HDAC9: variants seen among roughly 807,000 people sequenced by gnomAD.
HDAC9 encodes the protein histone deacetylase 9.
Under a neutral mutation model 139.4 loss-of-function variants are expected in HDAC9, and 41 were observed. That is an observed-to-expected ratio of 0.29 (90% CI 0.23 to 0.38). HDAC9 has a LOEUF of 0.38. Among genes scored for constraint, HDAC9 ranks in the 10% least tolerant of loss-of-function variants. The pLI is 1.00. For synonymous variants in HDAC9, 517 were observed against 476.2 expected, an observed-to-expected ratio of 1.09 and a Z score of -1.12; for missense variants, 1,147 against 1,297.0, an observed-to-expected ratio of 0.88 and a Z score of 1.78.
intron 1 of HDAC9, among the ~76,000 whole-genome samples, chr7:18,116,035 C>G (rs145042185): frequency 8.2e-4 from 125 of 152,198 alleles, no homozygotes; most frequent in Non-Finnish European, 2.9e-4. Context: ...AAAATTCATC[C>G]ACGTTTTGAA....
At chr7:18,597,990 G>A (rs1284749726) in intron 6 of HDAC9, among the ~76,000 whole-genome samples, 3 of 152,188 alleles carry the variant, frequency 2.0e-5, no homozygotes, top group Non-Finnish European at 4.4e-5. Flanking sequence ...AAACTGGAAC[G>A]AAGGCAGAGA....
At chr7:18,358,149 A>G (rs768582965) in intron 1 of HDAC9, among the ~76,000 whole-genome samples, 3 of 152,150 alleles carry the variant, frequency 2.0e-5, no homozygotes, top group African/African-American at 7.2e-5. Flanking sequence ...AGATGGTGCC[A>G]TGCATTCCAG....
At chr7:18,276,932 A>G (rs1796761216) in intron 2 of HDAC9, among the ~76,000 whole-genome samples, 1 of 152,078 alleles carries the variant, frequency 6.6e-6, no homozygotes, top group Admixed American at 6.6e-5. Context: ...TTTTATCCTT[A>G]TCATTTTTTC....
At chr7:18,355,934 T>C (rs1380728730) in intron 1 of HDAC9, among the ~76,000 whole-genome samples, 1 of 152,146 alleles carries the variant, frequency 6.6e-6, no homozygotes, top group Non-Finnish European at 1.5e-5. Context: ...GTATTAGCCA[T>C]AAACTGGCTA....
chr7:18,762,219 A>C lies in HDAC9; in HGVS notation c.2106A>C (p.Ser702=). The change falls in exon 15 of 26, where the codon TCA becomes TCC. Residue 702 remains serine (S), a synonymous_variant. Coordinates refer to ENST00000686413, the MANE Select transcript of HDAC9 (RefSeq NM_178425.4). The stretch of plus-strand genomic sequence containing the variant: ...AGCTTGTTCATTCTGAACATCACTC[A>C]CTGTTGTATGGCACCAACCCCCTGG... ...EIQLVHSEHH[S]LLYGTNPLDG... is the part of the protein sequence containing the mutation. The C allele has an allele frequency of 6.2e-7, 1 of 1,613,518 alleles. No homozygotes were observed. The highest frequency in any genetic ancestry group is 1.1e-5 in the South Asian group (1 of 91,074).
intron 1 of HDAC9, among the ~76,000 whole-genome samples, chr7:18,370,779 A>G (rs1230700642): frequency 6.6e-6 from 1 of 152,166 alleles, no homozygotes; most frequent in Non-Finnish European, 1.5e-5. Flanking sequence ...TCTAGATGAC[A>G]GCCAGTTGCT....
At chr7:18,568,020 G>T (rs372981896) in intron 2 of HDAC9, among the ~76,000 whole-genome samples, 2 of 48,836 alleles carry the variant, frequency 4.1e-5, no homozygotes, top group South Asian at 7.3e-4. Flanking sequence ...CAGGATATAT[G>T]TATATGTATA....
At chr7:18,921,430 C>T (rs949209353) in intron 22 of HDAC9, among the ~76,000 whole-genome samples, 1 of 152,144 alleles carries the variant, frequency 6.6e-6, no homozygotes, top group African/African-American at 2.4e-5. Flanking sequence ...TATGAACAGA[C>T]ACTTCTCAAA....
At chr7:18,669,475 G>A (rs942023842) in intron 12 of HDAC9, among the ~76,000 whole-genome samples, 1 of 151,802 alleles carries the variant, frequency 6.6e-6, no homozygotes, top group African/African-American at 2.4e-5. Flanking sequence ...AGTCACATCA[G>A]TATTGCATTA....
At chr7:18,278,236 G>C (rs1193012748) in intron 2 of HDAC9, among the ~76,000 whole-genome samples, 1 of 152,138 alleles carries the variant, frequency 6.6e-6, no homozygotes, top group East Asian at 1.9e-4. Flanking sequence ...TGTGAAATGG[G>C]TACTCAGTGA....
At chr7:18,700,792 C>T (rs1783414282) in intron 12 of HDAC9, among the ~76,000 whole-genome samples, 1 of 152,156 alleles carries the variant, frequency 6.6e-6, no homozygotes, top group Non-Finnish European at 1.5e-5. Context: ...AGTGTGCTCA[C>T]AGGGCATGGC....
At chr7:18,809,159 C>A (rs1022682196) in intron 17 of HDAC9, among the ~76,000 whole-genome samples, 7 of 151,976 alleles carry the variant, frequency 4.6e-5, no homozygotes, top group Non-Finnish European at 8.8e-5. Context: ...AAAATTGGAT[C>A]CTCACTTAAT....
chr7:18,768,744 C>T (rs191647792), intron 16 of HDAC9, among the ~76,000 whole-genome samples: 1 of 152,050 alleles, frequency 6.6e-6, no homozygotes, highest in Non-Finnish European at 1.5e-5. Context: ...AGTCATCAAA[C>T]CCCACTCTTT....
chr7:18,728,121 C>T (rs560070679), intron 13 of HDAC9, among the ~76,000 whole-genome samples: 1 of 152,274 alleles, frequency 6.6e-6, no homozygotes, highest in South Asian at 2.1e-4. Flanking sequence ...TCATTTGACT[C>T]CAAAGAGTAC....
intron 17 of HDAC9, among the ~76,000 whole-genome samples, chr7:18,819,485 A>C (rs1794807360): frequency 6.6e-6 from 1 of 152,226 alleles, no homozygotes; most frequent in Admixed American, 6.5e-5. Flanking sequence ...GACTAGTCTA[A>C]AATGATCAGA....
intron 1 of HDAC9, among the ~76,000 whole-genome samples, chr7:18,423,049 T>TGCACTTTACTAAAAATATAACA (rs1221388454): frequency 1.9e-4 from 29 of 152,244 alleles, no homozygotes; most frequent in Admixed American, 9.8e-4. Flanking sequence ...GTAATTGAGA[T>TGCACTTTACTAAAAATATAACA]GCACTTTACT....
At chr7:18,866,449 T>C (rs1333323436) in intron 21 of HDAC9, among the ~76,000 whole-genome samples, 1 of 152,180 alleles carries the variant, frequency 6.6e-6, no homozygotes, top group Admixed American at 6.5e-5. Flanking sequence ...TGGTGGACTT[T>C]CACATTGTTT....
intron 2 of HDAC9, among the ~76,000 whole-genome samples, chr7:18,529,817 G>A (rs531974997): frequency 6.6e-6 from 1 of 151,920 alleles, no homozygotes; most frequent in Non-Finnish European, 1.5e-5. Flanking sequence ...GGTTTTCATT[G>A]ATCTGATGTG....
chr7:18,437,697 G>T (rs1164389806), intron 1 of HDAC9, among the ~76,000 whole-genome samples: 1 of 151,536 alleles, frequency 6.6e-6, no homozygotes, highest in Admixed American at 6.6e-5. Context: ...GCCCTTAACT[G>T]TTAGCATCAT....
Sources: gnomAD v4.1 joint callset for allele counts (sites outside exome capture counted in the v4.1 genomes callset) on GRCh38, gnomAD v4.1.1 for gene constraint, MANE v1.5 for transcripts, NCBI Gene and HGNC (gene_info 2026-07-23, HGNC 2026-07-21) for gene names.